Variants in TOM1L1 observed in about 807,000 individuals in gnomAD.
TOM1L1 encodes the protein target of myb1 like 1 membrane trafficking protein, also known as TOM1-like protein 1.
Under a neutral mutation model 63.4 loss-of-function variants are expected in TOM1L1, and 64 were observed. That is an observed-to-expected ratio of 1.01 (90% CI 0.83 to 1.24). The LOEUF (loss-of-function observed/expected upper bound fraction) is 1.24. TOM1L1 is among the 50% of genes most tolerant of loss of function. The pLI is 0.00. For missense variants in TOM1L1, 536 were observed against 567.0 expected (o/e 0.95, Z 0.55); for synonymous variants, 166 against 194.4 (o/e 0.85, Z 1.22).
intron 11 of TOM1L1, among the ~76,000 whole-genome samples, chr17:54,945,414 G>A (rs1160796676): frequency 6.6e-6 from 1 of 152,174 alleles, no homozygotes; most frequent in East Asian, 1.9e-4. Flanking sequence ...GTGGCTTTAT[G>A]TCTTTCACCA....
intron 7 of TOM1L1, among the ~76,000 whole-genome samples, chr17:54,927,813 G>A (rs2048792720): frequency 6.6e-6 from 1 of 152,130 alleles, no homozygotes; most frequent in Non-Finnish European, 1.5e-5. Flanking sequence ...AGATGAGAGT[G>A]GGCTGGCTTT....
rs369648190 is a variant in TOM1L1 at position 54,915,812 on chromosome 17, A to G, written c.670A>G (p.Met224Val). The G allele has an allele frequency of 1.2e-6, 2 of 1,613,786 alleles. No individual in the cohort carries two copies. Among genetic ancestry groups the G allele is most frequent in the African/African-American group, 2.7e-5 (2 of 74,916 alleles). Residue 224 changes from methionine to valine, a missense_variant, in exon 7 of 16, where the codon ATG becomes GTG. Met to Val is a conservative substitution (Grantham distance 21, BLOSUM62 1). Coordinates refer to ENST00000575882, the MANE Select transcript of TOM1L1 (RefSeq NM_005486.3). ...MNVRVMSAIL[M>V]ENTPGSENHE... ...TGTGCGAGTGATGTCCGCCATATTG[A>G]TGGAGAATACTCCTGGGTCTGAAAA...
intron 14 of TOM1L1, among the ~76,000 whole-genome samples, chr17:54,960,294 G>A (rs760264979): frequency 6.6e-6 from 1 of 152,164 alleles, no homozygotes; most frequent in South Asian, 2.1e-4. Flanking sequence ...GAACCTGGGA[G>A]GCAGAGGTTG....
intron 14 of TOM1L1, among the ~76,000 whole-genome samples, chr17:54,951,108 A>G (rs1567842382): frequency 6.6e-6 from 1 of 152,180 alleles, no homozygotes; most frequent in Non-Finnish European, 1.5e-5. Flanking sequence ...CTTAGGACTG[A>G]CTGGCTTCAA....
At chr17:54,902,932 A>G (rs911712292) in intron 1 of TOM1L1, among the ~76,000 whole-genome samples, 11 of 152,202 alleles carry the variant, frequency 7.2e-5, no homozygotes, top group African/African-American at 1.9e-4. Flanking sequence ...ATTAGTTCGG[A>G]TAGTTATCCA....
chr17:54,913,649 G>A, intron 4 of TOM1L1, 99 bp from the exon 5 acceptor site: 1 of 1,293,924 alleles, frequency 7.7e-7, no homozygotes, highest in African/African-American at 1.6e-5. Flanking sequence ...CCGGGCAATA[G>A]TGTGAGACTC....
intron 12 of TOM1L1, 140 bp downstream of exon 12, chr17:54,947,452 C>A: frequency 1.1e-6 from 1 of 942,876 alleles, no homozygotes. Flanking sequence ...TGGTAAGGAT[C>A]AAAATTTTTT....
At chr17:54,932,757 A>G (rs1159264123) in intron 8 of TOM1L1, among the ~76,000 whole-genome samples, 1 of 152,170 alleles carries the variant, frequency 6.6e-6, no homozygotes, top group African/African-American at 2.4e-5. Flanking sequence ...GAAACTCACA[A>G]TTGTTACTCT....
intron 14 of TOM1L1, chr17:54,955,120 G>A (rs2049430791): frequency 6.6e-6 from 1 of 152,162 alleles, no homozygotes; most frequent in Non-Finnish European, 1.5e-5. Context: ...GGAGATTAAT[G>A]ATGACACAAA....
chr17:54,949,885 T>C (rs1210793678), intron 13 of TOM1L1, among the ~76,000 whole-genome samples, 160 bp from the exon 14 acceptor site: 1 of 151,178 alleles, frequency 6.6e-6, no homozygotes, highest in East Asian at 1.9e-4. Context: ...TTTTGATACA[T>C]ACAGATTTGT....
At chr17:54,936,094 G>C (rs2048941362) in intron 8 of TOM1L1, among the ~76,000 whole-genome samples, 1 of 151,268 alleles carries the variant, frequency 6.6e-6, no homozygotes, top group Non-Finnish European at 1.5e-5. Flanking sequence ...TTGTATTCCA[G>C]CCTGGGCAAC....
At chr17:54,924,903 C>T (rs1029250192) in intron 7 of TOM1L1, among the ~76,000 whole-genome samples, 18 of 152,192 alleles carry the variant, frequency 1.2e-4, no homozygotes, top group African/African-American at 3.6e-4. Context: ...TAACAATTCA[C>T]GCCTTCTCCA....
chr17:54,961,438 A>C lies in TOM1L1; in HGVS notation c.*205A>C. 1 of 1,503,426 alleles carries C rather than the reference A, an allele frequency of 6.7e-7. No individual in the cohort carries two copies. Among genetic ancestry groups the C allele is most frequent in the South Asian group, 1.3e-5 (1 of 78,108 alleles). 93.1% of individuals were successfully genotyped at this position (1,503,426 alleles called of 1,614,324 possible). ...GACAACAGCGTGAGATTTCAACAGAACTTGTTTGGAACAAATACTCACTTA... is the reference window on the plus strand; with the variant it reads ...GACAACAGCGTGAGATTTCAACAGACCTTGTTTGGAACAAATACTCACTTA... On this transcript the variant is annotated 3_prime_UTR_variant, in exon 16 of 16. Transcript: ENST00000575882.
chr17:54,955,317 G>A (rs1276324709), intron 14 of TOM1L1, among the ~76,000 whole-genome samples: 2 of 152,178 alleles, frequency 1.3e-5, no homozygotes, highest in Non-Finnish European at 2.9e-5. Context: ...AGGTGGTGGG[G>A]AGGTAGGTAA....
At chr17:54,961,069 A>G (rs4793784) in intron 15 of TOM1L1, 166 bp from the exon 16 acceptor site, 317,502 of 621,722 alleles carry the variant, frequency 0.51, 84,270 homozygotes, top group Non-Finnish European at 0.56. Flanking sequence ...AACTATCAAA[A>G]CTTATTTATT....
At chr17:54,938,777 A>C (rs1229290545) in intron 10 of TOM1L1, 147 bp from the exon 11 acceptor site, 2 of 512,932 alleles carry the variant, frequency 3.9e-6, no homozygotes, top group African/African-American at 3.9e-5. Context: ...GGGTGACAGA[A>C]ATATCTAAAT....
At position 54,950,141 on chromosome 17, in the gene TOM1L1, A is replaced by G. The variant is rs375798322; in HGVS notation, c.1370+15A>G. On this transcript the variant is annotated intron_variant, in intron 14 of 15. Coordinates refer to ENST00000575882, the MANE Select transcript of TOM1L1 (RefSeq NM_005486.3). ...GTCACTACAGAGTAAGTCATTTACAAAATGATTAATTTATTTTTTGTCTTG... is the reference window on the plus strand; with the variant it reads ...GTCACTACAGAGTAAGTCATTTACAGAATGATTAATTTATTTTTTGTCTTG... 6.9e-6 allele frequency: 11 copies of G among 1,593,382 alleles called. No homozygotes were observed. The highest frequency in any genetic ancestry group is 9.5e-6 in the Non-Finnish European group (11 of 1,163,160).
At chr17:54,948,574 T>C (rs556931436) in intron 12 of TOM1L1, among the ~76,000 whole-genome samples, 20 of 152,252 alleles carry the variant, frequency 1.3e-4, no homozygotes, top group African/African-American at 4.6e-4. Context: ...GACCACGACC[T>C]ATTAGAGCAG....
At chr17:54,943,946 C>T (rs1043662266) in intron 11 of TOM1L1, among the ~76,000 whole-genome samples, 1 of 151,422 alleles carries the variant, frequency 6.6e-6, no homozygotes, top group Non-Finnish European at 1.5e-5. Context: ...CCACTGCACT[C>T]CAGCCTGAGT....
Sources: gnomAD v4.1 joint callset for allele counts (sites outside exome capture counted in the v4.1 genomes callset) on GRCh38, gnomAD v4.1.1 for gene constraint, MANE v1.5 for transcripts, NCBI Gene and HGNC (gene_info 2026-07-23, HGNC 2026-07-21) for gene names.